Variants in SPOCK1 observed in about 807,000 individuals in gnomAD.
SPOCK1 encodes SPARC (osteonectin), cwcv and kazal like domains proteoglycan 1.
Under a neutral mutation model 55.3 loss-of-function variants are expected in SPOCK1, and 23 were observed. That is an observed-to-expected ratio of 0.42 (90% CI 0.30 to 0.59). The LOEUF is 0.59. Ranked by LOEUF, SPOCK1 falls within the 20% of genes least tolerant of loss-of-function variation. SPOCK1 has a pLI of 0.22. For synonymous variants in SPOCK1, 226 were observed against 221.0 expected (o/e 1.02, Z -0.20); for missense variants, 499 against 552.5 (o/e 0.90, Z 0.97).
chr5:137,475,200 G>A (rs1018924475), intron 2 of SPOCK1, among the ~76,000 whole-genome samples: 5 of 152,264 alleles, frequency 3.3e-5, no homozygotes, highest in South Asian at 2.1e-4. Context: ...GAGTCCAATC[G>A]TGAAGAAGCA....
chr5:136,997,804 C>T (rs1751074047), intron 6 of SPOCK1, among the ~76,000 whole-genome samples: 1 of 152,162 alleles, frequency 6.6e-6, no homozygotes, highest in African/African-American at 2.4e-5. Flanking sequence ...TCTCTGATAG[C>T]ATTCATAACA....
At chr5:137,044,497 A>C (rs1752067367) in intron 6 of SPOCK1, among the ~76,000 whole-genome samples, 1 of 152,212 alleles carries the variant, frequency 6.6e-6, no homozygotes, top group African/African-American at 2.4e-5. Context: ...AGATGGAAGA[A>C]TTTGAATTTT....
chr5:137,006,995 T>C (rs1751262742), intron 6 of SPOCK1, among the ~76,000 whole-genome samples: 1 of 152,118 alleles, frequency 6.6e-6, no homozygotes, highest in African/African-American at 2.4e-5. Flanking sequence ...ATGGATTATG[T>C]TTATTGATTT....
intron 2 of SPOCK1, 121 bp from the exon 3 acceptor site, chr5:137,267,176 A>T (rs970016484): frequency 7.6e-6 from 6 of 786,944 alleles, no homozygotes; most frequent in Non-Finnish European, 1.0e-5. Flanking sequence ...AAAGCTTAGA[A>T]ATTTTTCCCA....
intron 4 of SPOCK1, among the ~76,000 whole-genome samples, chr5:137,115,312 G>T (rs146338652): frequency 6.6e-6 from 1 of 152,092 alleles, no homozygotes; most frequent in African/African-American, 2.4e-5. Context: ...TTCTAGGTGA[G>T]AAACTAGAGA....
chr5:137,386,749 T>C (rs1352801319), intron 2 of SPOCK1, among the ~76,000 whole-genome samples: 2 of 152,190 alleles, frequency 1.3e-5, no homozygotes, highest in Non-Finnish European at 2.9e-5. Flanking sequence ...TTGGGTTTGA[T>C]GGTGACTTTT....
chr5:137,161,007 GATAT>G (rs34405933), intron 3 of SPOCK1, among the ~76,000 whole-genome samples: 13,689 of 141,958 alleles, frequency 0.096, 2,204 homozygotes, highest in African/African-American at 0.33. Flanking sequence ...GAAACTGTGA[GATAT>G]ATATATATAT....
chr5:137,174,495 T>C (rs570379854), intron 3 of SPOCK1, among the ~76,000 whole-genome samples: 2 of 152,342 alleles, frequency 1.3e-5, no homozygotes, highest in South Asian at 4.1e-4. Context: ...TCTGTTGCCC[T>C]CCTTTATACC....
chr5:137,087,945 T>C (rs1470239428), intron 5 of SPOCK1, among the ~76,000 whole-genome samples: 1 of 152,236 alleles, frequency 6.6e-6, no homozygotes, highest in Non-Finnish European at 1.5e-5. Flanking sequence ...ATGCTTTCTC[T>C]AAGCCTGTTG....
At chr5:137,194,897 A>T (rs1755268792) in intron 3 of SPOCK1, among the ~76,000 whole-genome samples, 2 of 152,222 alleles carry the variant, frequency 1.3e-5, no homozygotes, top group African/African-American at 2.4e-5. Flanking sequence ...ATCACCATGC[A>T]CAGTACCACA....
intron 2 of SPOCK1, among the ~76,000 whole-genome samples, chr5:137,466,462 A>C (rs1753625769): frequency 6.6e-6 from 1 of 152,220 alleles, no homozygotes; most frequent in East Asian, 1.9e-4. Context: ...AAGCTCATAA[A>C]GTCAGGAGCC....
At chr5:137,306,813 T>A (rs1183950248) in intron 2 of SPOCK1, among the ~76,000 whole-genome samples, 1 of 152,172 alleles carries the variant, frequency 6.6e-6, no homozygotes, top group African/African-American at 2.4e-5. Flanking sequence ...ATAATTTTAC[T>A]CCTAAGCGTG....
chr5:137,013,249 C>CCTAAGAA (rs11282702), intron 6 of SPOCK1, among the ~76,000 whole-genome samples: 79,268 of 150,944 alleles, frequency 0.53, 21,553 homozygotes, highest in Middle Eastern at 0.64. Flanking sequence ...TGTTTTTTGG[C>CCTAAGAA]CTAAGAACTT....
chr5:137,445,850 T>C (rs1753116319), intron 2 of SPOCK1, among the ~76,000 whole-genome samples: 1 of 152,138 alleles, frequency 6.6e-6, no homozygotes, highest in South Asian at 2.1e-4. Flanking sequence ...TTCAAGCTAA[T>C]AGATATATTA....
chr5:136,985,321 T>C (rs539561326), intron 8 of SPOCK1, 119 bp from the exon 9 acceptor site: 24 of 996,532 alleles, frequency 2.4e-5, no homozygotes, highest in Non-Finnish European at 3.6e-5. Flanking sequence ...AATTGTTCCA[T>C]ATGCTGTTAC....
chr5:137,059,802 C>A (rs1164602046), intron 6 of SPOCK1, among the ~76,000 whole-genome samples: 2 of 151,950 alleles, frequency 1.3e-5, no homozygotes, highest in Admixed American at 1.3e-4. Flanking sequence ...GGGACATGAA[C>A]ATTTTTCAAA....
chr5:137,047,837 GT>G (rs1752128257), intron 6 of SPOCK1, among the ~76,000 whole-genome samples: 1 of 28,040 alleles, frequency 3.6e-5, no homozygotes, highest in East Asian at 1.1e-3. Context: ...CTGGTATGTG[GT>G]GTCTTTGTTC....
intron 3 of SPOCK1, among the ~76,000 whole-genome samples, chr5:137,260,003 A>T (rs1324272385): frequency 6.6e-6 from 1 of 152,156 alleles, no homozygotes; most frequent in African/African-American, 2.4e-5. Flanking sequence ...CAAATTTTTC[A>T]TTTTTCCTTT....
At chr5:137,494,894 G>A (rs527393879) in intron 2 of SPOCK1, among the ~76,000 whole-genome samples, 1 of 152,320 alleles carries the variant, frequency 6.6e-6, no homozygotes, top group South Asian at 2.1e-4. Context: ...AAAATTAGGA[G>A]AATGGTTGTG....
Sources: gnomAD v4.1 joint callset for allele counts (sites outside exome capture counted in the v4.1 genomes callset) on GRCh38, gnomAD v4.1.1 for gene constraint, MANE v1.5 for transcripts, NCBI Gene and HGNC (gene_info 2026-07-23, HGNC 2026-07-21) for gene names.